SENP5: variants seen among roughly 807,000 people sequenced by gnomAD.
SENP5 encodes SUMO specific peptidase 5.
In SENP5, 21 loss-of-function variants were observed where a neutral mutation model predicts 74.2. The ratio of observed to expected loss-of-function variants is 0.28; its 90% confidence interval spans 0.20 to 0.41. The LOEUF is 0.41. SENP5 is among the 10% of genes least tolerant of loss of function. SENP5 has a pLI of 1.00. For missense variants in SENP5, 717 were observed against 889.1 expected (o/e 0.81, Z 2.46); for synonymous variants, 311 against 312.7 (o/e 0.99, Z 0.06).
chr3:196,926,541 T>C (rs1015651962), intron 7 of SENP5, among the ~76,000 whole-genome samples: 2 of 152,034 alleles, frequency 1.3e-5, no homozygotes, highest in South Asian at 2.1e-4. Flanking sequence ...AAGTTACTTC[T>C]TTAGAGGGAG....
At chr3:196,903,349 A>C (rs1048642321) in intron 5 of SENP5, among the ~76,000 whole-genome samples, 184 bp from the exon 6 acceptor site, 2 of 152,230 alleles carry the variant, frequency 1.3e-5, no homozygotes, top group Non-Finnish European at 2.9e-5. Flanking sequence ...CATGTTGGCC[A>C]GGCTGGCCTC....
chr3:196,881,157 A>G (rs1453810067), intron 1 of SENP5, among the ~76,000 whole-genome samples: 1 of 152,104 alleles, frequency 6.6e-6, no homozygotes, highest in Non-Finnish European at 1.5e-5. Flanking sequence ...CATGTTGCCC[A>G]GAGTGGTCTC....
intron 5 of SENP5, among the ~76,000 whole-genome samples, chr3:196,902,614 T>C (rs1053976080): frequency 3.3e-5 from 5 of 152,194 alleles, no homozygotes; most frequent in African/African-American, 1.2e-4. Context: ...ACACTACTGG[T>C]CAGGTGACCA....
At chr3:196,884,974 C>T (rs1483782686) in intron 1 of SENP5, among the ~76,000 whole-genome samples, 177 bp from the exon 2 acceptor site, 1 of 152,182 alleles carries the variant, frequency 6.6e-6, no homozygotes, top group Non-Finnish European at 1.5e-5. Flanking sequence ...GTCCTCCCTC[C>T]TCTCCAGTTT....
intron 2 of SENP5, among the ~76,000 whole-genome samples, chr3:196,888,932 T>C (rs1309643452): frequency 1.3e-5 from 2 of 151,920 alleles, no homozygotes; most frequent in Non-Finnish European, 2.9e-5. Flanking sequence ...CTGGCTAACA[T>C]GGTGAAACCC....
chr3:196,885,749 C>T lies in SENP5; in HGVS notation c.568C>T (p.His190Tyr). The change falls in exon 2 of 10, where the codon CAT becomes TAT. Residue 190 changes from histidine (H) to tyrosine (Y), a missense_variant. By Grantham distance (83) the His-to-Tyr change is moderately conservative (BLOSUM62 2). This residue lies in a region of SENP5 where 567 missense variants were observed against 577.4 expected (regional missense o/e 0.98). Transcript: ENST00000323460. ...SGTIVVTLNN[H>Y]KRKGFCYGCC... ...CACGATTGTGGTCACCTTGAACAAC[C>T]ATAAGAGAAAGGGCTTTTGTTACGG... 1.2e-6 allele frequency: 2 copies of T among 1,614,200 alleles called. No individual in the cohort carries two copies. Among genetic ancestry groups the T allele is most frequent in the South Asian group, 2.2e-5 (2 of 91,078 alleles).
At chr3:196,894,655 CAG>C (rs1009882424) in intron 2 of SENP5, among the ~76,000 whole-genome samples, 23 of 152,120 alleles carry the variant, frequency 1.5e-4, no homozygotes, top group African/African-American at 5.5e-4. Flanking sequence ...CAACCTACCA[CAG>C]AGTCTCTTTG....
intron 1 of SENP5, among the ~76,000 whole-genome samples, chr3:196,874,015 TAAA>T (rs962321584): frequency 1.3e-5 from 2 of 151,568 alleles, no homozygotes; most frequent in African/African-American, 4.8e-5. Context: ...TTTTTTCTTT[TAAA>T]AAATTAATTT....
Position 196,885,215 on chromosome 3 carries a change from G to C in SENP5, c.34G>C (p.Gly12Arg), listed in dbSNP as rs777192068. 10 of 1,613,556 alleles carry C rather than the reference G, an allele frequency of 6.2e-6. No homozygotes were observed. Among genetic ancestry groups the C allele is most frequent in the Non-Finnish European group, 8.5e-6 (10 of 1,179,856 alleles). The change falls in exon 2 of 10, where the codon GGA (glycine) becomes CGA (arginine). Residue 12 changes from glycine to arginine, a missense_variant. Physicochemically the swap from Gly to Arg is moderately radical, Grantham distance 125. This residue lies in a region of SENP5 where 567 missense variants were observed against 577.4 expected (regional missense o/e 0.98). Transcript: ENST00000323460. ...ACAGAGGAAAATTCTATGGAGGAAA[G>C]GAATCCACTTAGCCTTTTCTGAGAA... ...KKQRKILWRK[G>R]IHLAFSEKWN...
At chr3:196,901,896 T>TC (rs1301395942) in intron 5 of SENP5, among the ~76,000 whole-genome samples, 2 of 152,288 alleles carry the variant, frequency 1.3e-5, no homozygotes. Flanking sequence ...CAAAGCATGG[T>TC]CCCCATACTA....
At chr3:196,901,710 A>G (rs1469419851) in intron 5 of SENP5, among the ~76,000 whole-genome samples, 2 of 152,378 alleles carry the variant, frequency 1.3e-5, no homozygotes, top group East Asian at 1.9e-4. Flanking sequence ...TGGAATCATG[A>G]GGCTAATCTG....
rs372716868 is a variant in SENP5 at position 196,911,809 on chromosome 3, C to CAA, written c.1884+8207_1884+8208dup. The stretch of plus-strand genomic sequence containing the variant: ...TAGCAACAAGAGCAAGACTCCGTCT[C>CAA]AAAAAAAAACAAAACAAAAACAGCT... On this transcript the variant is annotated intron_variant, in intron 6 of 9. Transcript: ENST00000323460. Among the ~76,000 whole-genome samples, 801 of 147,668 alleles carry CAA rather than the reference C, an allele frequency of 5.4e-3. 5 individuals are homozygous for CAA. Among genetic ancestry groups the CAA allele is most frequent in the African/African-American group, 0.019 (744 of 40,216 alleles).
At chr3:196,914,336 A>G (rs1035483521) in intron 6 of SENP5, 1 of 151,978 alleles carries the variant, frequency 6.6e-6, no homozygotes, top group East Asian at 1.9e-4. Context: ...TGATATTAGT[A>G]AACTGATGTT....
At chr3:196,889,945 G>GA (rs1269772939) in intron 2 of SENP5, among the ~76,000 whole-genome samples, 1 of 152,142 alleles carries the variant, frequency 6.6e-6, no homozygotes, top group East Asian at 1.9e-4. Context: ...TGTCAGCAAA[G>GA]AACAAATCTG....
Position 196,886,409 on chromosome 3 carries a change from A to G in SENP5, c.1228A>G (p.Arg410Gly). 4 of 1,612,172 alleles carry G rather than the reference A, an allele frequency of 2.5e-6. No homozygotes were observed. The highest frequency in any genetic ancestry group is 3.4e-6 in the Non-Finnish European group (4 of 1,178,726). ...ENQTSSVSDD[R>G]VKLSVSGADT... ...TCAGACAAGTTCTGTCAGTGATGAC[A>G]GAGTAAAACTGTCAGTGTCTGGAGC... Residue 410 changes from arginine to glycine, a missense_variant, in exon 2 of 10, where the codon AGA becomes GGA. Arg to Gly is a moderately radical substitution (Grantham distance 125, BLOSUM62 -2). Coordinates refer to ENST00000323460, the MANE Select transcript of SENP5 (RefSeq NM_152699.5).
chr3:196,899,856 T>TA (rs1166441923), intron 3 of SENP5, 68 bp from the exon 4 acceptor site: 1 of 1,579,548 alleles, frequency 6.3e-7, no homozygotes, highest in Non-Finnish European at 8.6e-7. Flanking sequence ...GAAGAAAAGA[T>TA]ATTTAGCAGT....
Position 196,867,954 on chromosome 3 carries a change from G to A in SENP5, c.-151G>A, listed in dbSNP as rs1201806555. 2 of 152,212 alleles carry A rather than the reference G, an allele frequency of 1.3e-5. No individual in the cohort carries two copies. The highest frequency in any genetic ancestry group is 2.4e-5 in the African/African-American group (1 of 41,460). 9.4% of individuals were successfully genotyped at this position (152,212 alleles called of 1,614,324 possible). A position where few individuals can be genotyped will look rare whatever the true frequency, so the allele number is the denominator to read the frequency against. On this transcript the variant is annotated 5_prime_UTR_variant, in exon 1 of 10. Transcript: ENST00000323460. ...TCGGCGGCTGTGGCCGCGGCGAACA[G>A]GCCGGACGCCTCGTCGCTGGCGGGG...
At chr3:196,916,875 T>G (rs1560157938) in intron 6 of SENP5, among the ~76,000 whole-genome samples, 1 of 152,156 alleles carries the variant, frequency 6.6e-6, no homozygotes, top group Non-Finnish European at 1.5e-5. Context: ...GACTCACACC[T>G]GTAATCCCAG....
At chr3:196,873,699 G>C (rs966164696) in intron 1 of SENP5, among the ~76,000 whole-genome samples, 2 of 152,050 alleles carry the variant, frequency 1.3e-5, no homozygotes, top group East Asian at 4.0e-4. Flanking sequence ...AATTAGCCGG[G>C]TGTGGTGGCG....
Sources: gnomAD v4.1 joint callset for allele counts (sites outside exome capture counted in the v4.1 genomes callset) on GRCh38, gnomAD v4.1.1 for gene constraint, gnomAD v4.1.1 regional missense constraint, MANE v1.5 for transcripts, NCBI Gene and HGNC (gene_info 2026-07-23, HGNC 2026-07-21) for gene names.